Variants in LGR5 observed in about 807,000 individuals in gnomAD.
LGR5 encodes leucine rich repeat containing G protein-coupled receptor 5, also known as leucine-rich repeat-containing G protein-coupled receptor 5.
In LGR5, 54 loss-of-function variants were observed where a neutral mutation model predicts 76.7. The ratio of observed to expected loss-of-function variants is 0.70; its 90% CI spans 0.57 to 0.88. The LOEUF (loss-of-function observed/expected upper bound fraction) is 0.88. LGR5 is among the 40% of genes least tolerant of loss of function. The pLI is 0.00. For synonymous variants in LGR5, 406 were observed against 421.9 expected, an observed-to-expected ratio of 0.96 and a Z score of 0.46; for missense variants, 1,078 against 1,073.3, an observed-to-expected ratio of 1.00 and a Z score of -0.06.
intron 8 of LGR5, among the ~76,000 whole-genome samples, chr12:71,563,978 CTGTGTATATATGCATATATACGTAT>C: frequency 2.7e-5 from 1 of 37,280 alleles, no homozygotes; most frequent in Non-Finnish European, 9.0e-5. Context: ...TACACACGCA[CTGTGTATATATGCATATATACGTAT>C]CTGTACACAC....
chr12:71,504,716 G>A, intron 2 of LGR5, 31 bp downstream of exon 2: 1 of 1,488,364 alleles, frequency 6.7e-7, no homozygotes, highest in South Asian at 1.1e-5. Context: ...GATGCATCCA[G>A]TCAACACTGG....
At position 71,578,851 on chromosome 12, in the gene LGR5, A is replaced by C; in HGVS notation, c.1328A>C (p.His443Pro). The C allele has an allele frequency of 6.2e-7, 1 of 1,612,808 alleles. No individual in the cohort carries two copies. Among genetic ancestry groups the C allele is most frequent in the Non-Finnish European group, 8.5e-7 (1 of 1,179,262 alleles). ...LLSSFPITGL[H>P]GLTHLKLTGN... is the part of the protein sequence containing the mutation. Reference sequence around the variant, plus strand: ...TCGTCTTTTCCTATAACTGGGTTACATGGTTTAACTCACTTAAAATTAACA... The same window carrying C: ...TCGTCTTTTCCTATAACTGGGTTACCTGGTTTAACTCACTTAAAATTAACA... Residue 443 changes from histidine to proline, a missense_variant, in exon 15 of 18, where the codon CAT becomes CCT. Transcript: ENST00000266674.
At position 71,582,456 on chromosome 12, in the gene LGR5, A is replaced by G. The variant is rs1377243678; in HGVS notation, c.1553A>G (p.Asp518Gly). The G allele has an allele frequency of 1.2e-6, 2 of 1,613,898 alleles. No homozygotes were observed. Among genetic ancestry groups the G allele is most frequent in the South Asian group, 1.1e-5 (1 of 91,082 alleles). The stretch of plus-strand genomic sequence containing the variant: ...CATTCCAGGACTTCTTGTGCTGCAG[A>G]TGAACGTGACCTTGAAGATTTCCTG... Reference protein sequence around the residue: ...KKDAGMFQAQDERDLEDFLLD... With the variant: ...KKDAGMFQAQGERDLEDFLLD... Residue 518 changes from aspartate (D) to glycine (G), a missense_variant and splice_region_variant, in exon 17 of 18, where the codon GAT becomes GGT. Transcript: ENST00000266674.
intron 2 of LGR5, among the ~76,000 whole-genome samples, chr12:71,511,144 G>A (rs946301759): frequency 2.6e-5 from 4 of 152,144 alleles, no homozygotes; most frequent in Non-Finnish European, 5.9e-5. Flanking sequence ...TATGGAAGCC[G>A]AAGGACCTGG....
At chr12:71,533,385 AT>A (rs1876426700) in intron 3 of LGR5, among the ~76,000 whole-genome samples, 2 of 152,294 alleles carry the variant, frequency 1.3e-5, no homozygotes, top group Non-Finnish European at 2.9e-5. Context: ...ATACATAAAT[AT>A]TTAGCACAGC....
rs775972902 is a variant in LGR5 at position 71,535,112 on chromosome 12, C to T, written c.357-3C>T. On this transcript the variant is annotated splice_region_variant and splice_polypyrimidine_tract_variant and intron_variant, in intron 3 of 17. Transcript: ENST00000266674. ...ATTTTTCTTTATTTCTTTTAACATA[C>T]AGTATGCTGCAGAATAATCAGCTAA... 6.2e-7 allele frequency: 1 copy of T among 1,602,328 alleles called. No homozygotes were observed.
intron 1 of LGR5, among the ~76,000 whole-genome samples, chr12:71,494,410 C>T (rs544867100): frequency 1.5e-4 from 23 of 150,950 alleles, no homozygotes; most frequent in Non-Finnish European, 2.8e-4. Flanking sequence ...TTTAGAGAGG[C>T]AATTTTGGAT....
At chr12:71,511,665 C>A (rs1875164439) in intron 2 of LGR5, among the ~76,000 whole-genome samples, 1 of 152,026 alleles carries the variant, frequency 6.6e-6, no homozygotes. Flanking sequence ...TTTGAAAATC[C>A]CCAACTACTT....
Position 71,561,780 on chromosome 12 carries a change from G to T in LGR5, c.786-1G>T. The T allele has an allele frequency of 6.3e-7, 1 of 1,588,586 alleles. No individual in the cohort carries two copies. The highest frequency in any genetic ancestry group is 8.6e-7 in the Non-Finnish European group (1 of 1,163,196). Reference sequence around the variant, plus strand: ...TTTTATAATTTTTTTTCTCTTTCTAGAGGATTTCATAGCAACAATATCAGG... The same window carrying T: ...TTTTATAATTTTTTTTCTCTTTCTATAGGATTTCATAGCAACAATATCAGG... On this transcript the variant is annotated splice_acceptor_variant, in intron 7 of 17. Coordinates refer to ENST00000266674, the MANE Select transcript of LGR5 (RefSeq NM_003667.4). LOFTEE classifies it high-confidence loss of function.
At chr12:71,448,652 C>A (rs1872122906) in intron 1 of LGR5, 1 of 152,278 alleles carries the variant, frequency 6.6e-6, no homozygotes, top group South Asian at 2.1e-4. Context: ...CAGTTTTTTA[C>A]ATATATGGTT....
At chr12:71,515,418 TTATA>T (rs1352900623) in intron 2 of LGR5, among the ~76,000 whole-genome samples, 1 of 152,232 alleles carries the variant, frequency 6.6e-6, no homozygotes, top group Admixed American at 6.5e-5. Flanking sequence ...TTTTGATACT[TTATA>T]AAAGAATAAA....
intron 1 of LGR5, among the ~76,000 whole-genome samples, chr12:71,461,193 G>A (rs1565659866): frequency 6.6e-6 from 1 of 152,140 alleles, no homozygotes; most frequent in Admixed American, 6.5e-5. Flanking sequence ...TCTCAGAAGG[G>A]ACATGTTTGC....
intron 1 of LGR5, among the ~76,000 whole-genome samples, chr12:71,479,140 G>A (rs1592474815): frequency 1.3e-5 from 2 of 150,560 alleles, no homozygotes; most frequent in African/African-American, 4.9e-5. Flanking sequence ...CGTTTTATTG[G>A]CTTCCTTTTA....
chr12:71,536,691 TA>T (rs1384937175), intron 4 of LGR5, among the ~76,000 whole-genome samples: 1 of 152,228 alleles, frequency 6.6e-6, no homozygotes, highest in Non-Finnish European at 1.5e-5. Context: ...TAAGAGTTTG[TA>T]ACCAAAAGCC....
Position 71,566,714 on chromosome 12 carries a change from A to G in LGR5, c.998+14A>G. The G allele has an allele frequency of 6.2e-7, 1 of 1,608,638 alleles. No homozygotes were observed. Among genetic ancestry groups the G allele is most frequent in the Non-Finnish European group, 8.5e-7 (1 of 1,175,052 alleles). ...CCTGGAGAGTCTGTAAGTACTGAGT[A>G]GACTCTTGACTTTGCCCAGAACATA... On this transcript the variant is annotated intron_variant, in intron 10 of 17. Coordinates refer to ENST00000266674, the MANE Select transcript of LGR5 (RefSeq NM_003667.4).
chr12:71,443,641 T>G (rs949310140), intron 1 of LGR5, among the ~76,000 whole-genome samples: 2 of 152,252 alleles, frequency 1.3e-5, no homozygotes, highest in African/African-American at 4.8e-5. Flanking sequence ...GTTATTTTAA[T>G]GCATCAAATG....
In LGR5 at chr12:71,566,643, G is replaced by C. The variant is rs1443063758; in HGVS notation, c.941G>C (p.Gly314Ala). The C allele has an allele frequency of 6.2e-7, 1 of 1,612,720 alleles. No homozygotes were observed. Among genetic ancestry groups the C allele is most frequent in the Admixed American group, 1.7e-5 (1 of 59,998 alleles). The change falls in exon 10 of 18, where the codon GGT (glycine) becomes GCT (alanine). Residue 314 changes from glycine to alanine, a missense_variant. Gly to Ala is a moderately conservative substitution (Grantham distance 60, BLOSUM62 0). Transcript: ENST00000266674. ...ACTCCTCTTTCTAGGACTCTGAATG[G>C]TGCCTCACAAATAACTGAATTTCCT... is the stretch of plus-strand genomic sequence containing the variant. ...LPELRTLTLN[G>A]ASQITEFPDL...
rs1385858538 is a variant in LGR5, at chr12:71,584,140, T to C, written c.2130T>C (p.Pro710=). ...LLGGSKYGAS[P]LCLPLPFGEP... ...GTGGCAGCAAGTATGGCGCCTCCCC[T>C]CTCTGCCTGCCTTTGCCTTTTGGGG... The change falls in exon 18 of 18, where the codon CCT becomes CCC. Residue 710 remains proline, a synonymous_variant. Coordinates refer to ENST00000266674, the MANE Select transcript of LGR5 (RefSeq NM_003667.4). 2 of 1,614,060 alleles carry C rather than the reference T, an allele frequency of 1.2e-6. No individual in the cohort carries two copies. Among genetic ancestry groups the C allele is most frequent in the Non-Finnish European group, 1.7e-6 (2 of 1,180,034 alleles).
rs80013431 is a variant in LGR5, at chr12:71,578,813, G to C, written c.1290G>C (p.Ser430=). The C allele has an allele frequency of 6.2e-7, 1 of 1,607,156 alleles. No individual in the cohort carries two copies. Among genetic ancestry groups the C allele is most frequent in the Admixed American group, 1.7e-5 (1 of 59,100 alleles). The change falls in exon 15 of 18, where the codon TCG becomes TCC. Residue 430 remains serine (S), a synonymous_variant. Transcript: ENST00000266674. The part of the protein sequence containing the change: ...TLPSLIKLDL[S]SNLLSSFPIT... Reference sequence around the variant, plus strand: ...GTTTGATGTTTTGCAGGGACCTATCGTCCAACCTCCTGTCGTCTTTTCCTA... The same window carrying C: ...GTTTGATGTTTTGCAGGGACCTATCCTCCAACCTCCTGTCGTCTTTTCCTA...
Sources: gnomAD v4.1 joint callset for allele counts (sites outside exome capture counted in the v4.1 genomes callset) on GRCh38, gnomAD v4.1.1 for gene constraint, MANE v1.5 for transcripts, NCBI Gene and HGNC (gene_info 2026-07-23, HGNC 2026-07-21) for gene names.